Variants in NRXN1 observed in about 807,000 individuals in gnomAD.
NRXN1 encodes neurexin 1.
NRXN1 carries 39 observed loss-of-function variants against 150.9 expected under a neutral mutation model. The observed-to-expected ratio is 0.26, with a 90% confidence interval of 0.20 to 0.34. The LOEUF (loss-of-function observed/expected upper bound fraction) is 0.34. Among genes scored for constraint, NRXN1 ranks in the 10% least tolerant of loss-of-function variants. NRXN1 has a pLI of 1.00. For missense variants in NRXN1, 1,815 were observed against 1,949.9 expected (o/e 0.93, Z 1.30); for synonymous variants, 924 against 757.0 (o/e 1.22, Z -3.62).
intron 21 of NRXN1, among the ~76,000 whole-genome samples, chr2:50,006,080 A>T (rs1255304620): frequency 6.6e-6 from 1 of 151,996 alleles, no homozygotes; most frequent in Non-Finnish European, 1.5e-5. Context: ...ATCAATCCTC[A>T]GTAAGTATTT....
chr2:50,190,101 C>T (rs552427096), intron 18 of NRXN1, among the ~76,000 whole-genome samples: 3 of 152,224 alleles, frequency 2.0e-5, no homozygotes, highest in Admixed American at 6.5e-5. Context: ...GGAGACACTA[C>T]ATTCTGTTCA....
rs1018115706 is a variant in NRXN1 at position 50,600,670 on chromosome 2, C to T, written c.1320+19352G>A. 7.9e-5 allele frequency among the ~76,000 whole-genome samples: 12 copies of T among 152,170 alleles called. 1 individual carries two copies. Among genetic ancestry groups the T allele is most frequent in the African/African-American group, 1.2e-4 (5 of 41,540 alleles). Reference sequence around the variant, plus strand: ...AAGGAATAGTAATAAATGTAAAAGACCTGTTTTATGGACCCTGGAACAGCT... The same window carrying T: ...AAGGAATAGTAATAAATGTAAAAGATCTGTTTTATGGACCCTGGAACAGCT... On this transcript the variant is annotated intron_variant, in intron 8 of 22. Transcript: ENST00000401669.
intron 10 of NRXN1, among the ~76,000 whole-genome samples, chr2:50,536,672 T>C (rs2093268719): frequency 6.6e-6 from 1 of 152,178 alleles, no homozygotes; most frequent in Non-Finnish European, 1.5e-5. Flanking sequence ...AACAAAACCT[T>C]AAATCGTGCA....
At chr2:50,133,440 T>C (rs1051938528) in intron 18 of NRXN1, among the ~76,000 whole-genome samples, 2 of 152,300 alleles carry the variant, frequency 1.3e-5, no homozygotes, top group South Asian at 2.1e-4. Context: ...GCTTATAACA[T>C]AGGTGGAGTA....
chr2:50,951,963 A>ATATTTTTTTT (rs1387961788), intron 2 of NRXN1, among the ~76,000 whole-genome samples: 10 of 74,816 alleles, frequency 1.3e-4, no homozygotes, highest in African/African-American at 1.7e-4. Context: ...ATATATATAT[A>ATATTTTTTTT]TTTTTTTTTT....
chr2:50,920,076 T>C (rs1413175765), intron 5 of NRXN1: 2 of 298,790 alleles, frequency 6.7e-6, no homozygotes, highest in Non-Finnish European at 7.6e-6. Flanking sequence ...ATGAAATGGG[T>C]ACCAATGTGA....
chr2:50,029,241 T>C (rs114725564), intron 21 of NRXN1, among the ~76,000 whole-genome samples: 2,427 of 152,266 alleles, frequency 0.016, 54 homozygotes, highest in African/African-American at 0.056. Context: ...GCTGCCACCT[T>C]GATCATGGAC....
chr2:50,285,328 A>G (rs2071998880), intron 17 of NRXN1, among the ~76,000 whole-genome samples: 1 of 152,056 alleles, frequency 6.6e-6, no homozygotes, highest in African/African-American at 2.4e-5. Context: ...AGAGTTTGGG[A>G]TGGTTCAAGC....
intron 17 of NRXN1, among the ~76,000 whole-genome samples, chr2:50,450,518 A>G (rs770495945): frequency 1.3e-5 from 2 of 152,000 alleles, no homozygotes; most frequent in Non-Finnish European, 2.9e-5. Flanking sequence ...TGAGGCAGGG[A>G]CCCAATCACT....
intron 18 of NRXN1, among the ~76,000 whole-genome samples, chr2:50,158,292 T>C (rs535906917): frequency 5.9e-5 from 9 of 151,594 alleles, no homozygotes; most frequent in African/African-American, 2.2e-4. Context: ...AAAATGCCCA[T>C]CAAAATATTC....
intron 5 of NRXN1, among the ~76,000 whole-genome samples, chr2:50,867,741 A>G (rs1431910523): frequency 1.3e-5 from 2 of 151,846 alleles, no homozygotes; most frequent in African/African-American, 2.4e-5. Flanking sequence ...ACATTTTTAA[A>G]TCTAACTAAC....
chr2:49,968,805 T>C (rs988575923), intron 21 of NRXN1, among the ~76,000 whole-genome samples: 20 of 152,102 alleles, frequency 1.3e-4, no homozygotes, highest in African/African-American at 4.8e-4. Flanking sequence ...TAAGTAATGC[T>C]ATAGGGTAAA....
At chr2:50,452,449 A>T (rs1402558778) in intron 17 of NRXN1, among the ~76,000 whole-genome samples, 1 of 152,178 alleles carries the variant, frequency 6.6e-6, no homozygotes, top group African/African-American at 2.4e-5. Context: ...TATAATGAGG[A>T]AACTGGGGCC....
At chr2:50,190,382 T>A (rs2061367391) in intron 18 of NRXN1, among the ~76,000 whole-genome samples, 1 of 152,158 alleles carries the variant, frequency 6.6e-6, no homozygotes, top group Admixed American at 6.6e-5. Context: ...TTCTTGGGTG[T>A]GTTCTAACTT....
chr2:50,401,412 C>G (rs1383463590), intron 17 of NRXN1, among the ~76,000 whole-genome samples: 1 of 152,066 alleles, frequency 6.6e-6, no homozygotes, highest in Non-Finnish European at 1.5e-5. Flanking sequence ...AGACATGTGT[C>G]CTTTGGCAAA....
At position 50,420,597 on chromosome 2, in the gene NRXN1, T is replaced by G. The variant is rs79067589; in HGVS notation, c.3364+44845A>C. 9.9e-5 allele frequency among the ~76,000 whole-genome samples: 15 copies of G among 152,182 alleles called. No individual in the cohort carries two copies. The East Asian group carries it at 2.9e-3, about 29-fold the overall frequency. On this transcript the variant is annotated intron_variant, in intron 17 of 22. Coordinates refer to ENST00000401669, the MANE Select transcript of NRXN1 (RefSeq NM_001330078.2). ...TCCCTATGATACTTAACATCATCAA[T>G]TTTGTGTTTAACATTTGACCATATG...
intron 5 of NRXN1, among the ~76,000 whole-genome samples, chr2:50,784,091 C>G (rs1377593064): frequency 2.0e-5 from 3 of 152,012 alleles, no homozygotes. Flanking sequence ...AAAAGTATAT[C>G]TGAGTATATG....
chr2:50,182,189 C>G (rs6712119), intron 18 of NRXN1, among the ~76,000 whole-genome samples: 36,133 of 149,542 alleles, frequency 0.24, 5,393 homozygotes, highest in East Asian at 0.41. Flanking sequence ...AAGCCACTAT[C>G]GGTTTGGCAC....
intron 21 of NRXN1, among the ~76,000 whole-genome samples, chr2:49,952,509 G>A (rs1412415278): frequency 6.6e-6 from 1 of 151,998 alleles, no homozygotes; most frequent in Non-Finnish European, 1.5e-5. Flanking sequence ...AGTTAACCCA[G>A]AGAGTTCTTT....
Sources: allele counts gnomAD v4.1 joint callset (sites outside exome capture counted in the v4.1 genomes callset), GRCh38; gene constraint gnomAD v4.1.1; transcripts MANE v1.5; gene names NCBI Gene and HGNC (gene_info 2026-07-23, HGNC 2026-07-21).